Variants in SSH2 observed in about 807,000 individuals in gnomAD.
SSH2 encodes slingshot protein phosphatase 2.
A neutral mutation model predicts 135.2 loss-of-function variants in SSH2; 37 were observed. The observed-to-expected ratio is 0.27, with a 90% CI of 0.21 to 0.36. The LOEUF (loss-of-function observed/expected upper bound fraction) is 0.36. Ranked by LOEUF, SSH2 falls within the 10% of genes least tolerant of loss-of-function variation. The probability of loss-of-function intolerance (pLI) is 1.00; values close to 1 mark genes in which losing one functional copy is unlikely to be tolerated. For missense variants in SSH2, 1,408 were observed against 1,765.3 expected (o/e 0.80, Z 3.63); for synonymous variants, 628 against 646.2 (o/e 0.97, Z 0.43).
intron 3 of SSH2, chr17:29,777,806 A>C (rs530241409): frequency 1.3e-5 from 2 of 152,828 alleles, no homozygotes; most frequent in East Asian, 3.8e-4. Context: ...AAAAAAAAAA[A>C]AAAAAAAAAC....
chr17:29,790,188 G>C (rs184675329), intron 3 of SSH2, among the ~76,000 whole-genome samples: 75 of 152,296 alleles, frequency 4.9e-4, no homozygotes, highest in African/African-American at 1.6e-3. Flanking sequence ...TAATTCATAT[G>C]TTGAAGCCCT....
intron 3 of SSH2, among the ~76,000 whole-genome samples, chr17:29,792,441 AT>A (rs2042086232): frequency 6.6e-6 from 1 of 152,044 alleles, no homozygotes; most frequent in South Asian, 2.1e-4. Flanking sequence ...GCTAAAATTT[AT>A]TTTTGGTTTC....
At chr17:29,921,954 G>T (rs137951478) in intron 1 of SSH2, among the ~76,000 whole-genome samples, 2 of 152,260 alleles carry the variant, frequency 1.3e-5, no homozygotes, top group African/African-American at 4.8e-5. Context: ...AAGTACAGTA[G>T]AAAGATAAGA....
chr17:29,832,234 C>A (rs975954256), intron 2 of SSH2, among the ~76,000 whole-genome samples: 2 of 152,132 alleles, frequency 1.3e-5, no homozygotes, highest in Non-Finnish European at 2.9e-5. Context: ...GCCTTGAATT[C>A]CTGGACTCAA....
chr17:29,929,335 AGGTCCAGG>A (rs2067134876), intron 1 of SSH2: 1 of 155,452 alleles, frequency 6.4e-6, no homozygotes, highest in Admixed American at 6.2e-5. Flanking sequence ...GAAAGGTAAG[AGGTCCAGG>A]AAACAGAGAT....
At chr17:29,757,191 C>T (rs1307208529) in intron 3 of SSH2, among the ~76,000 whole-genome samples, 1 of 152,188 alleles carries the variant, frequency 6.6e-6, no homozygotes, top group Non-Finnish European at 1.5e-5. Flanking sequence ...CAGGGAAATA[C>T]TCACAGCACT....
intron 13 of SSH2, 72 bp downstream of exon 13, chr17:29,650,582 C>G: frequency 2.1e-6 from 3 of 1,451,092 alleles, no homozygotes; most frequent in East Asian, 2.5e-5. Flanking sequence ...TGTCTATAGC[C>G]CTCAGGACCC....
chr17:29,685,460 A>G (rs1481277117), intron 5 of SSH2, among the ~76,000 whole-genome samples: 2 of 152,166 alleles, frequency 1.3e-5, no homozygotes, highest in Non-Finnish European at 2.9e-5. Context: ...GGGACAGATG[A>G]AAGAAATCAG....
intron 2 of SSH2, among the ~76,000 whole-genome samples, chr17:29,808,734 T>G (rs2151323365): frequency 6.6e-6 from 1 of 152,266 alleles, no homozygotes; most frequent in East Asian, 1.9e-4. Context: ...GTGAGGCCAC[T>G]AGACAAAGAC....
At chr17:29,731,423 T>TC (rs1263653855) in intron 3 of SSH2, among the ~76,000 whole-genome samples, 447 of 19,116 alleles carry the variant, frequency 0.023, 2 homozygotes, top group African/African-American at 0.087. Context: ...TATTTTTTAT[T>TC]TATTTATTTA....
chr17:29,697,721 C>T (rs1161050842), intron 4 of SSH2, among the ~76,000 whole-genome samples: 1 of 152,090 alleles, frequency 6.6e-6, no homozygotes, highest in Non-Finnish European at 1.5e-5. Context: ...GGCTTCTGAC[C>T]AATTAATTCC....
At chr17:29,693,358 T>A (rs1290713689) in intron 5 of SSH2, among the ~76,000 whole-genome samples, 1 of 151,876 alleles carries the variant, frequency 6.6e-6, no homozygotes, top group African/African-American at 2.4e-5. Flanking sequence ...GTCATCCAGG[T>A]TGGAGTGTAA....
chr17:29,815,605 G>C (rs2042544305), intron 2 of SSH2, among the ~76,000 whole-genome samples: 1 of 152,166 alleles, frequency 6.6e-6, no homozygotes, highest in Non-Finnish European at 1.5e-5. Context: ...TTAGGTAGAT[G>C]AATACACATA....
intron 1 of SSH2, among the ~76,000 whole-genome samples, chr17:29,880,456 A>G (rs768076777): frequency 2.0e-5 from 3 of 152,092 alleles, no homozygotes; most frequent in Non-Finnish European, 4.4e-5. Flanking sequence ...TTTTCTTTAA[A>G]CCAGAGGTTG....
chr17:29,806,463 C>T (rs2042347756), intron 2 of SSH2, among the ~76,000 whole-genome samples: 1 of 152,174 alleles, frequency 6.6e-6, no homozygotes, highest in Admixed American at 6.5e-5. Flanking sequence ...GGTGAAATTC[C>T]AGATCCCACT....
At position 29,716,588 on chromosome 17, in the gene SSH2, T is replaced by A. The variant is rs73987124; in HGVS notation, c.189-13526A>T. On this transcript the variant is annotated intron_variant, in intron 3 of 15. Coordinates refer to ENST00000540801, the MANE Select transcript of SSH2 (RefSeq NM_001282129.2). ...GATGTCTACATTATCACCTTTCTTATAGATTCGCATATGCATGGCCAAAGG... is the reference window on the plus strand; with the variant it reads ...GATGTCTACATTATCACCTTTCTTAAAGATTCGCATATGCATGGCCAAAGG... The A allele has an allele frequency of 2.5e-3, 1,758 of 701,786 alleles. 31 individuals carry two copies. The African/African-American group carries it at 0.028, about 11-fold the overall frequency. 43.5% of individuals were successfully genotyped at this position (701,786 alleles called of 1,614,324 possible).
chr17:29,685,472 C>T (rs957310654), intron 5 of SSH2, among the ~76,000 whole-genome samples: 3 of 151,962 alleles, frequency 2.0e-5, no homozygotes, highest in Non-Finnish European at 4.4e-5. Context: ...AGAAATCAGA[C>T]AAAAGGTTGA....
intron 1 of SSH2, among the ~76,000 whole-genome samples, chr17:29,878,068 C>A (rs1371541522): frequency 6.6e-6 from 1 of 151,128 alleles, no homozygotes; most frequent in Non-Finnish European, 1.5e-5. Flanking sequence ...CTAGGTGACA[C>A]AGCAAGACCC....
intron 3 of SSH2, among the ~76,000 whole-genome samples, chr17:29,732,001 G>A (rs1447189599): frequency 2.0e-5 from 3 of 152,078 alleles, no homozygotes; most frequent in African/African-American, 7.2e-5. Flanking sequence ...CAAAATTCTT[G>A]TAACAGAGAG....
Sources: allele counts gnomAD v4.1 joint callset (sites outside exome capture counted in the v4.1 genomes callset), GRCh38; gene constraint gnomAD v4.1.1; transcripts MANE v1.5; gene names NCBI Gene and HGNC (gene_info 2026-07-23, HGNC 2026-07-21).